The following PRKN variants were observed in gnomAD, a reference collection of about 807,000 sequenced individuals.
The protein encoded by PRKN is E3 ubiquitin-protein ligase parkin.
A neutral mutation model predicts 59.5 loss-of-function variants in PRKN; 56 were observed. The ratio of observed to expected loss-of-function variants is 0.94; its 90% CI spans 0.76 to 1.18. The LOEUF (loss-of-function observed/expected upper bound fraction) is 1.18, where lower values mean the gene tolerates loss of function less well. PRKN is among the 50% of genes most tolerant of loss of function. The probability of loss-of-function intolerance (pLI) is 0.00; values close to 1 mark genes in which losing one functional copy is unlikely to be tolerated. For missense variants in PRKN, 657 were observed against 596.4 expected, an observed-to-expected ratio of 1.10 and a Z score of -1.06; for synonymous variants, 250 against 222.1, an observed-to-expected ratio of 1.13 and a Z score of -1.12.
chr6:161,748,853 A>AG (rs1230166858), intron 7 of PRKN, among the ~76,000 whole-genome samples: 2 of 152,150 alleles, frequency 1.3e-5, no homozygotes, highest in African/African-American at 2.4e-5. Flanking sequence ...GCAGAGCAAG[A>AG]GGGGATAGCT....
intron 1 of PRKN, among the ~76,000 whole-genome samples, chr6:162,577,914 G>A (rs545426240): frequency 3.0e-4 from 45 of 152,246 alleles, no homozygotes; most frequent in African/African-American, 1.1e-3. Flanking sequence ...AGGCAATAGA[G>A]TGAGACTCTG....
intron 6 of PRKN, among the ~76,000 whole-genome samples, chr6:161,968,313 A>C (rs1780663481): frequency 6.6e-6 from 1 of 150,886 alleles, no homozygotes; most frequent in Admixed American, 6.6e-5. Flanking sequence ...TGCTGGGATT[A>C]CAGGCGTGAC....
chr6:161,980,380 G>A (rs1784608), intron 5 of PRKN, among the ~76,000 whole-genome samples: 30,327 of 152,078 alleles, frequency 0.2, 3,710 homozygotes, highest in South Asian at 0.27. Flanking sequence ...AAGGGTATAG[G>A]GTTTGTACTT....
chr6:162,375,499 C>T (rs1293229125), intron 2 of PRKN, among the ~76,000 whole-genome samples: 5 of 151,050 alleles, frequency 3.3e-5, no homozygotes, highest in East Asian at 3.9e-4. Flanking sequence ...CATGGAGTTG[C>T]TTATGTTGTT....
At chr6:161,962,052 G>T (rs375895671) in intron 6 of PRKN, among the ~76,000 whole-genome samples, 1 of 152,126 alleles carries the variant, frequency 6.6e-6, no homozygotes, top group African/African-American at 2.4e-5. Flanking sequence ...AACACACCAC[G>T]GCCCTTGCTG....
intron 2 of PRKN, among the ~76,000 whole-genome samples, chr6:162,307,393 G>A (rs1444721122): frequency 1.4e-5 from 2 of 141,072 alleles, no homozygotes; most frequent in African/African-American, 2.7e-5. Context: ...AAGAGACACC[G>A]TCTCAATAAA....
chr6:162,192,442 ATTTTTTTTTTTTTTTT>A (rs10534285), intron 4 of PRKN, among the ~76,000 whole-genome samples: 1 of 74,692 alleles, frequency 1.3e-5, no homozygotes, highest in Admixed American at 1.5e-4. Context: ...AATTATAGGG[ATTTTTTTTTTTTTTTT>A]TTTTTTTTTT....
At chr6:162,638,714 G>T (rs1777843612) in intron 1 of PRKN, among the ~76,000 whole-genome samples, 1 of 147,036 alleles carries the variant, frequency 6.8e-6, no homozygotes, top group Non-Finnish European at 1.5e-5. Flanking sequence ...TGGTATTCTA[G>T]GATCTCTATG....
At chr6:162,714,088 A>C (rs986673302) in intron 1 of PRKN, among the ~76,000 whole-genome samples, 1 of 152,168 alleles carries the variant, frequency 6.6e-6, no homozygotes, top group African/African-American at 2.4e-5. Context: ...GTAAAGGTAG[A>C]TTTTTTATTC....
At chr6:162,065,951 T>C (rs558169338) in intron 4 of PRKN, among the ~76,000 whole-genome samples, 1 of 152,362 alleles carries the variant, frequency 6.6e-6, no homozygotes, top group Non-Finnish European at 1.5e-5. Flanking sequence ...GTGCCACATT[T>C]TCTTATTCCA....
At chr6:162,622,244 T>G (rs1321384165) in intron 1 of PRKN, among the ~76,000 whole-genome samples, 1 of 152,222 alleles carries the variant, frequency 6.6e-6, no homozygotes, top group Non-Finnish European at 1.5e-5. Context: ...TTTTGATTGT[T>G]CCTTTTTCAT....
intron 3 of PRKN, among the ~76,000 whole-genome samples, chr6:162,205,035 G>A (rs1221165241): frequency 6.6e-6 from 1 of 151,668 alleles, no homozygotes; most frequent in Non-Finnish European, 1.5e-5. Context: ...GCTAATTTTG[G>A]TATTTTTAGT....
At chr6:162,064,462 T>C (rs1778243451) in intron 4 of PRKN, among the ~76,000 whole-genome samples, 1 of 152,192 alleles carries the variant, frequency 6.6e-6, no homozygotes, top group Non-Finnish European at 1.5e-5. Flanking sequence ...CTCTTAGCTT[T>C]TGGAAACAAT....
At chr6:161,594,185 C>A (rs1005031955) in intron 7 of PRKN, among the ~76,000 whole-genome samples, 1 of 151,872 alleles carries the variant, frequency 6.6e-6, no homozygotes, top group Non-Finnish European at 1.5e-5. Flanking sequence ...AAAAAAAGAA[C>A]TGACTGCTGG....
At chr6:162,478,427 A>AC (rs1792131618) in intron 1 of PRKN, among the ~76,000 whole-genome samples, 3 of 152,292 alleles carry the variant, frequency 2.0e-5, no homozygotes, top group Non-Finnish European at 4.4e-5. Flanking sequence ...CCTTGAACTA[A>AC]ACCCTTCACA....
chr6:161,798,315 C>G (rs1310148269), intron 6 of PRKN, among the ~76,000 whole-genome samples: 1 of 152,162 alleles, frequency 6.6e-6, no homozygotes, highest in Non-Finnish European at 1.5e-5. Flanking sequence ...ACATGGGATG[C>G]AGCTGGTGGT....
At chr6:162,493,596 G>C (rs140393001) in intron 1 of PRKN, among the ~76,000 whole-genome samples, 45 of 152,296 alleles carry the variant, frequency 3.0e-4, no homozygotes, top group Non-Finnish European at 4.9e-4. Context: ...TAAGAAGACA[G>C]ACTCAAGAAA....
intron 1 of PRKN, among the ~76,000 whole-genome samples, chr6:162,604,299 T>A (rs1194508032): frequency 6.6e-6 from 1 of 152,206 alleles, no homozygotes; most frequent in African/African-American, 2.4e-5. Flanking sequence ...GGGTATTCTC[T>A]GAGGCACCTG....
In PRKN at chr6:162,021,142, ATATATATATATATATATATAT is replaced by A. The variant is rs1562465436; in HGVS notation, c.618+32928_618+32948del. 6.7e-4 allele frequency among the ~76,000 whole-genome samples: 23 copies of A among 34,458 alleles called. 3 individuals are homozygous for A. In the East Asian group the frequency reaches 0.019, roughly 28 times the overall value. The allele number at this position is 34,458 out of a possible 152,430, so 22.6% of individuals were successfully genotyped here. A position where few individuals can be genotyped will look rare whatever the true frequency, so the allele number is the denominator to read the frequency against. ...AACATATATATATATATATATATAT[ATATATATATATATATATATAT>A]ATAAAATATATGTGTATATATATTA... On this transcript the variant is annotated intron_variant, in intron 5 of 11. Transcript: ENST00000366898.
Sources: allele counts gnomAD v4.1 joint callset (sites outside exome capture counted in the v4.1 genomes callset), GRCh38; gene constraint gnomAD v4.1.1; transcripts MANE v1.5; gene names NCBI Gene and HGNC (gene_info 2026-07-23, HGNC 2026-07-21).